TRIM71: variants seen among roughly 807,000 people sequenced by gnomAD.
TRIM71 encodes tripartite motif containing 71, also known as E3 ubiquitin-protein ligase TRIM71.
A neutral mutation model predicts 61.2 loss-of-function variants in TRIM71; 9 were observed. The ratio of observed to expected loss-of-function variants is 0.15; its 90% CI spans 0.09 to 0.26. TRIM71 has a LOEUF of 0.26. TRIM71 is among the 10% of genes least tolerant of loss of function. TRIM71 has a pLI of 1.00. For missense variants in TRIM71, 998 were observed against 1,238.7 expected, an observed-to-expected ratio of 0.81 and a Z score of 2.92; for synonymous variants, 645 against 553.2, an observed-to-expected ratio of 1.17 and a Z score of -2.33.
chr3:32,885,899 TA>T, intron 2 of TRIM71, 34 bp from the exon 3 acceptor site: 2 of 1,601,382 alleles, frequency 1.2e-6, no homozygotes, highest in Non-Finnish European at 1.7e-6. Context: ...ACAGTCCTTC[TA>T]ATGCCTCGAA....
chr3:32,891,543 C>T lies in TRIM71; in HGVS notation c.2339C>T (p.Ser780Leu), dbSNP rs1399350054. 5.6e-6 allele frequency: 9 copies of T among 1,613,344 alleles called. No individual in the cohort carries two copies. The highest frequency in any genetic ancestry group is 1.7e-5 in the Admixed American group (1 of 59,966). ...CTGGTTATTCACCCCGACTGCCAGT[C>T]GGCACGCTTTCTGGGCTCGGAGGGC... ...RLLVIHPDCQ[S>L]ARFLGSEGTG... Residue 780 changes from serine to leucine, a missense_variant, in exon 4 of 4, where the codon TCG becomes TTG. This residue lies in a region of TRIM71 where 95 missense variants were observed against 159.0 expected (regional missense o/e 0.60). Coordinates refer to ENST00000383763, the MANE Select transcript of TRIM71 (RefSeq NM_001039111.3). The surrounding 1 kb of genome is among the most constrained non-coding windows in gnomAD (Gnocchi z 8.2).
chr3:32,832,925 G>T lies in TRIM71; in HGVS notation c.852+13993G>T, dbSNP rs571921788. Among the ~76,000 whole-genome samples, 3 of 152,072 alleles carry T rather than the reference G, an allele frequency of 2.0e-5. No individual in the cohort carries two copies. The East Asian group carries it at 5.8e-4, about 29-fold the overall frequency. On this transcript the variant is annotated intron_variant, in intron 1 of 3. Transcript: ENST00000383763. ...CGCGGTGGCTCACGCCTTAATCCCA[G>T]CACTTTGGATGCCGAGGCAGGTGGA...
chr3:32,818,530 G>A lies in TRIM71; in HGVS notation c.450G>A (p.Arg150=). The change falls in exon 1 of 4, where the codon CGG becomes CGA. Residue 150 remains arginine (R), a synonymous_variant. Coordinates refer to ENST00000383763, the MANE Select transcript of TRIM71 (RefSeq NM_001039111.3). The part of the protein sequence containing the change: ...PAGAGGHSNH[R]HHAHHAHPRA... ...GAGCGGGCGGCCACAGCAACCACCG[G>A]CACCACGCTCACCACGCGCACCCGC... 1 of 1,369,008 alleles carries A rather than the reference G, an allele frequency of 7.3e-7. No individual in the cohort carries two copies. The highest frequency in any genetic ancestry group is 9.4e-7 in the Non-Finnish European group (1 of 1,064,674). 84.8% of individuals were successfully genotyped at this position (1,369,008 alleles called of 1,614,324 possible).
rs759917607 is a variant in TRIM71, at chr3:32,890,728, T to C, written c.1524T>C (p.Ile508=). The C allele has an allele frequency of 5.6e-6, 9 of 1,613,942 alleles. No homozygotes were observed. Among genetic ancestry groups the C allele is most frequent in the Admixed American group, 1.7e-5 (1 of 60,004 alleles). The part of the protein sequence containing the change: ...LQGKVASFTV[I]GYDHDGEPRL... ...GTAAGGTGGCCTCCTTCACAGTCATTGGTTATGACCACGATGGTGAGCCCC... is the reference window on the plus strand; with the variant it reads ...GTAAGGTGGCCTCCTTCACAGTCATCGGTTATGACCACGATGGTGAGCCCC... The change falls in exon 4 of 4, where the codon ATT becomes ATC. Residue 508 remains isoleucine (I), a synonymous_variant. Transcript: ENST00000383763. The surrounding 1 kb of genome is among the most constrained non-coding windows in gnomAD (Gnocchi z 6.2).
intron 1 of TRIM71, among the ~76,000 whole-genome samples, chr3:32,851,996 T>G (rs1260712140): frequency 6.6e-6 from 1 of 152,194 alleles, no homozygotes; most frequent in African/African-American, 2.4e-5. Flanking sequence ...CACTTCCCAC[T>G]TGGGAACAAC....
intron 2 of TRIM71, among the ~76,000 whole-genome samples, chr3:32,882,883 G>A (rs1696925083): frequency 6.6e-6 from 1 of 152,182 alleles, no homozygotes; most frequent in South Asian, 2.1e-4. Context: ...GACAGCAGAA[G>A]TTGGTTTCAA....
intron 1 of TRIM71, among the ~76,000 whole-genome samples, chr3:32,872,008 G>A (rs1365948075): frequency 6.6e-6 from 1 of 152,166 alleles, no homozygotes; most frequent in Non-Finnish European, 1.5e-5. Context: ...GTTGGGCGTG[G>A]TGGCAGGCAC....
At chr3:32,888,491 G>A (rs944440624) in intron 3 of TRIM71, among the ~76,000 whole-genome samples, 12 of 142,982 alleles carry the variant, frequency 8.4e-5, no homozygotes, top group Admixed American at 7.0e-4. Flanking sequence ...TGTGGTGGTG[G>A]TCTCCTTTAA....
rs145002564 is a variant in TRIM71 at position 32,878,865 on chromosome 3, C to A, written c.1020+4880C>A. On this transcript the variant is annotated intron_variant, in intron 2 of 3. Transcript: ENST00000383763. ...TTGAAGCTTTGAAGCCAGGCATTGA[C>A]TTCTGTAGCTATGAAAGTCCTACAT... is the stretch of plus-strand genomic sequence containing the variant. Among the ~76,000 whole-genome samples, 1,173 of 152,310 alleles carry A rather than the reference C, an allele frequency of 7.7e-3. 17 individuals are homozygous for A. Among genetic ancestry groups the A allele is most frequent in the African/African-American group, 0.027 (1,106 of 41,570 alleles).
At chr3:32,829,989 G>T (rs1482040032) in intron 1 of TRIM71, among the ~76,000 whole-genome samples, 1 of 146,526 alleles carries the variant, frequency 6.8e-6, no homozygotes, top group Non-Finnish European at 1.5e-5. Flanking sequence ...AGTACAGTTG[G>T]CATTATCTTG....
intron 1 of TRIM71, among the ~76,000 whole-genome samples, chr3:32,831,981 G>A (rs1696277037): frequency 6.6e-6 from 1 of 152,176 alleles, no homozygotes; most frequent in South Asian, 2.1e-4. Flanking sequence ...TTTCTGCTCA[G>A]TGTGAATTGT....
rs759245157 is a variant in TRIM71, at chr3:32,818,889, T to G, written c.809T>G (p.Val270Gly). The stretch of plus-strand genomic sequence containing the variant: ...GGCCCGCCCTTCTCCATCCTCTCAG[T>G]GTTTCCCGAGCGCCTCGGCTTCTGC... ...FPGPPFSILSVFPERLGFCQH... is the reference protein window; with the variant it reads ...FPGPPFSILSGFPERLGFCQH... Residue 270 changes from valine to glycine, a missense_variant, in exon 1 of 4, where the codon GTG (valine) becomes GGG (glycine). Transcript: ENST00000383763. The G allele has an allele frequency of 1.9e-6, 3 of 1,612,588 alleles. No individual in the cohort carries two copies. Among genetic ancestry groups the G allele is most frequent in the Non-Finnish European group, 2.5e-6 (3 of 1,179,800 alleles).
chr3:32,849,034 A>G (rs1027598490), intron 1 of TRIM71, among the ~76,000 whole-genome samples: 1 of 152,170 alleles, frequency 6.6e-6, no homozygotes, highest in African/African-American at 2.4e-5. Context: ...AAATGGGAAA[A>G]CATGGGATCC....
chr3:32,831,290 G>C (rs1696267841), intron 1 of TRIM71, among the ~76,000 whole-genome samples: 1 of 150,044 alleles, frequency 6.7e-6, no homozygotes, highest in African/African-American at 2.4e-5. Context: ...CCTTGGACAA[G>C]TCACTTAACT....
chr3:32,839,978 T>C (rs1361441898), intron 1 of TRIM71, among the ~76,000 whole-genome samples: 1 of 152,182 alleles, frequency 6.6e-6, no homozygotes, highest in Non-Finnish European at 1.5e-5. Flanking sequence ...GTTCAACTAA[T>C]GTTTACAGAG....
intron 1 of TRIM71, among the ~76,000 whole-genome samples, chr3:32,822,356 T>C (rs1178015219): frequency 1.3e-5 from 2 of 152,170 alleles, no homozygotes; most frequent in Non-Finnish European, 2.9e-5. Context: ...GCGGTCCCTG[T>C]GTTGGGCTTT....
intron 1 of TRIM71, among the ~76,000 whole-genome samples, chr3:32,866,432 G>T (rs1406419068): frequency 1.3e-5 from 2 of 151,960 alleles, no homozygotes; most frequent in African/African-American, 2.4e-5. Flanking sequence ...TAGAGGCAGG[G>T]TTTCACCATG....
intron 1 of TRIM71, among the ~76,000 whole-genome samples, chr3:32,822,734 C>T (rs1405572984): frequency 6.6e-6 from 1 of 152,194 alleles, no homozygotes; most frequent in Non-Finnish European, 1.5e-5. Flanking sequence ...AATTTTCCCA[C>T]TTACACTGCA....
intron 3 of TRIM71, among the ~76,000 whole-genome samples, chr3:32,887,554 C>T (rs1696974750): frequency 7.1e-6 from 1 of 141,756 alleles, no homozygotes; most frequent in African/African-American, 2.7e-5. Flanking sequence ...GTCTGGGCAT[C>T]TCTTTGTTAC....
Sources: gnomAD v4.1 joint callset for allele counts (sites outside exome capture counted in the v4.1 genomes callset) on GRCh38, gnomAD v4.1.1 for gene constraint, gnomAD v4.1.1 regional missense constraint, Gnocchi (gnomAD v3.1) non-coding constraint, MANE v1.5 for transcripts, NCBI Gene and HGNC (gene_info 2026-07-23, HGNC 2026-07-21) for gene names.